PLEKHG4B: variants seen among roughly 807,000 people sequenced by gnomAD.
PLEKHG4B encodes pleckstrin homology and RhoGEF domain containing G4B.
A neutral mutation model predicts 121.3 loss-of-function variants in PLEKHG4B; 111 were observed. That is an observed-to-expected ratio of 0.92 (90% CI 0.78 to 1.07). The LOEUF is 1.07. Among genes scored for constraint, PLEKHG4B ranks in the 50% least tolerant of loss-of-function variants. PLEKHG4B has a pLI of 0.00. For synonymous variants in PLEKHG4B, 738 were observed against 725.0 expected (o/e 1.02, Z -0.29); for missense variants, 1,831 against 1,757.8 (o/e 1.04, Z -0.74).
At chr5:164,719 C>T (rs1560945277) in intron 13 of PLEKHG4B, among the ~76,000 whole-genome samples, 11 of 131,076 alleles carry the variant, frequency 8.4e-5, no homozygotes, top group Non-Finnish European at 1.7e-5. Context: ...CGGGGCGGAG[C>T]TCACACTAAT....
intron 11 of PLEKHG4B, among the ~76,000 whole-genome samples, chr5:158,315 C>A (rs58539762): frequency 1.0e-5 from 1 of 96,206 alleles, no homozygotes; most frequent in African/African-American, 6.2e-5. Context: ...TCCATCTCCT[C>A]TCCTCCCTCT....
At chr5:172,829 A>C in intron 16 of PLEKHG4B, 68 bp from the exon 17 acceptor site, 1 of 1,551,268 alleles carries the variant, frequency 6.4e-7, no homozygotes, top group Non-Finnish European at 8.9e-7. Flanking sequence ...TTAGACGGAG[A>C]CAGTGACCTG....
chr5:181,584 C>G lies in PLEKHG4B; in HGVS notation c.4473C>G (p.Asp1491Glu). 6.2e-7 allele frequency: 1 copy of G among 1,614,122 alleles called. No homozygotes were observed. ...NQPFMDVKPR[D>E]RTPDCAVISD... ...CATTCATGGATGTCAAGCCCAGAGA[C>G]CGGACCCCTGACTGTGCAGTGATAA... Residue 1491 changes from aspartate to glutamate, a missense_variant, in exon 19 of 20, where the codon GAC (aspartate) becomes GAG (glutamate). By Grantham distance (45) the Asp-to-Glu change is conservative. Coordinates refer to ENST00000637938, the MANE Select transcript of PLEKHG4B (RefSeq NM_052909.5).
intron 1 of PLEKHG4B, among the ~76,000 whole-genome samples, chr5:105,006 C>A (rs985418071): frequency 8.6e-5 from 13 of 151,598 alleles, no homozygotes; most frequent in African/African-American, 2.9e-4. Context: ...TGGGTGAGGG[C>A]TGTTCTGGTT....
Position 189,819 on chromosome 5 carries a change from C to T in PLEKHG4B, c.*7496C>T, listed in dbSNP as rs577041707. Reference sequence around the variant, plus strand: ...GCAGGGTGTTGGGCCACACAGAGCCCGAGTAGGTAAAGGAAGGTTCTGGAA... The same window carrying T: ...GCAGGGTGTTGGGCCACACAGAGCCTGAGTAGGTAAAGGAAGGTTCTGGAA... On this transcript the variant is annotated 3_prime_UTR_variant, in exon 20 of 20. Coordinates refer to ENST00000637938, the MANE Select transcript of PLEKHG4B (RefSeq NM_052909.5). 6.6e-6 allele frequency: 1 copy of T among 152,144 alleles called. No individual in the cohort carries two copies. The highest frequency in any genetic ancestry group is 6.5e-5 in the Admixed American group (1 of 15,294). 9.4% of individuals were successfully genotyped at this position (152,144 alleles called of 1,614,324 possible). A position where few individuals can be genotyped will look rare whatever the true frequency, so the allele number is the denominator to read the frequency against.
chr5:154,683 C>T (rs1402977929), intron 7 of PLEKHG4B, among the ~76,000 whole-genome samples, 192 bp from the exon 8 acceptor site: 2 of 145,810 alleles, frequency 1.4e-5, no homozygotes, highest in Non-Finnish European at 3.0e-5. Flanking sequence ...TGTCTTAGCT[C>T]CCTTCTTTCC....
At chr5:135,187 C>CAAAAAAAAAAAAAAAAAAAAAAA (rs35601775) in intron 2 of PLEKHG4B, among the ~76,000 whole-genome samples, 6 of 48,774 alleles carry the variant, frequency 1.2e-4, no homozygotes, top group African/African-American at 3.8e-4. Flanking sequence ...GACTCCAGCT[C>CAAAAAAAAAAAAAAAAAAAAAAA]AAAAAAAAAA....
At chr5:134,059 AT>A (rs1734862586) in intron 2 of PLEKHG4B, among the ~76,000 whole-genome samples, 1 of 126,000 alleles carries the variant, frequency 7.9e-6, no homozygotes, top group African/African-American at 2.9e-5. Context: ...ATATGATAGA[AT>A]ATATATATAT....
intron 2 of PLEKHG4B, among the ~76,000 whole-genome samples, chr5:135,682 A>AAAAAAAAAAAAAAAT (rs1553985215): frequency 5.1e-5 from 1 of 19,610 alleles, no homozygotes; most frequent in Non-Finnish European, 1.0e-4. Flanking sequence ...AAAAAAAAAA[A>AAAAAAAAAAAAAAAT]ATATATATAT....
chr5:96,625 G>A (rs1733634116), intron 1 of PLEKHG4B, among the ~76,000 whole-genome samples: 1 of 152,172 alleles, frequency 6.6e-6, no homozygotes, highest in Non-Finnish European at 1.5e-5. Flanking sequence ...CAAGCATTTA[G>A]TCAGTCTGTA....
Position 127,340 on chromosome 5 carries a change from T to TTATTA in PLEKHG4B, c.244-12142_244-12141insATTAT, listed in dbSNP as rs1686746332. On this transcript the variant is annotated intron_variant, in intron 2 of 19. Coordinates refer to ENST00000637938, the MANE Select transcript of PLEKHG4B (RefSeq NM_052909.5). The stretch of plus-strand genomic sequence containing the variant: ...TCATTGTTTCTGCTTATTGTTGGTT[T>TTATTA]TTATTATTATTATTATTATTATTAT... 1.7e-3 allele frequency among the ~76,000 whole-genome samples: 231 copies of TTATTA among 135,562 alleles called. 1 individual carries two copies. Among genetic ancestry groups the TTATTA allele is most frequent in the African/African-American group, 5.7e-3 (208 of 36,422 alleles). 88.9% of individuals were successfully genotyped at this position (135,562 alleles called of 152,430 possible). A position where few individuals can be genotyped will look rare whatever the true frequency, so the allele number is the denominator to read the frequency against.
chr5:109,350 T>C (rs1206898489), intron 1 of PLEKHG4B, among the ~76,000 whole-genome samples: 1 of 130,102 alleles, frequency 7.7e-6, no homozygotes, highest in African/African-American at 3.1e-5. Flanking sequence ...TGAGCCTAGA[T>C]CACACCACTG....
intron 1 of PLEKHG4B, among the ~76,000 whole-genome samples, chr5:104,409 T>G (rs1293234901): frequency 6.6e-6 from 1 of 152,214 alleles, no homozygotes; most frequent in Non-Finnish European, 1.5e-5. Context: ...TAACATGCAG[T>G]ATCCACCGTA....
In PLEKHG4B at chr5:140,239, A is replaced by G; in HGVS notation, c.1000A>G (p.Ser334Gly). The G allele has an allele frequency of 2.8e-6, 4 of 1,434,450 alleles. No homozygotes were observed. The South Asian group carries it at 5.9e-5, about 21-fold the overall frequency. The allele number at this position is 1,434,450 out of a possible 1,614,324, so 88.9% of individuals were successfully genotyped here. ...CTTCCACACAGACCTGGGCATCCCG[A>G]GCAGCAGGAGGCGGCCGCCGGGGGA... ...LTFHTDLGIP[S>G]SRRRPPGDPT... is the part of the protein sequence containing the mutation. The change falls in exon 3 of 20, where the codon AGC becomes GGC. Residue 334 changes from serine to glycine, a missense_variant. Ser to Gly is a moderately conservative substitution (Grantham distance 56). Coordinates refer to ENST00000637938, the MANE Select transcript of PLEKHG4B (RefSeq NM_052909.5).
chr5:169,457 G>C lies in PLEKHG4B; in HGVS notation c.3594G>C (p.Gln1198His). The change falls in exon 14 of 20, where the codon CAG (glutamine) becomes CAC (histidine). Residue 1198 changes from glutamine to histidine, a missense_variant. Gln to His is a conservative substitution (Grantham distance 24, BLOSUM62 0). Coordinates refer to ENST00000637938, the MANE Select transcript of PLEKHG4B (RefSeq NM_052909.5). ...AAATGGAAAGAATGGACTTGCCCCA[G>C]GGCCTTCGAGGGAAGCACCACGTTA... ...FPEMERMDLP[Q>H]GLRGKHHVIF... 1.2e-6 allele frequency: 2 copies of C among 1,614,244 alleles called. No individual in the cohort carries two copies. Among genetic ancestry groups the C allele is most frequent in the Non-Finnish European group, 8.5e-7 (1 of 1,180,052 alleles).
rs72720482 is a variant in PLEKHG4B, at chr5:185,062, C to T, written c.*2739C>T. The T allele has an allele frequency of 0.087, 13,262 of 152,070 alleles. 840 individuals are homozygous for T. The highest frequency in any genetic ancestry group is 0.12 in the Non-Finnish European group (8,139 of 68,008). 9.4% of individuals were successfully genotyped at this position (152,070 alleles called of 1,614,324 possible). A position where few individuals can be genotyped will look rare whatever the true frequency, so the allele number is the denominator to read the frequency against. On this transcript the variant is annotated 3_prime_UTR_variant, in exon 20 of 20. Coordinates refer to ENST00000637938, the MANE Select transcript of PLEKHG4B (RefSeq NM_052909.5). ...GATGTACTGATAAACCCTTGAAACA[C>T]CCACTAACAAAGAATTACAGCTAAT...
At chr5:158,965 A>C (rs1297905895) in intron 11 of PLEKHG4B, among the ~76,000 whole-genome samples, 1 of 151,668 alleles carries the variant, frequency 6.6e-6, no homozygotes, top group South Asian at 2.1e-4. Context: ...AAGCATCTCT[A>C]CTCCACCTTC....
chr5:151,463 G>A, intron 6 of PLEKHG4B, 50 bp from the exon 7 acceptor site: 1 of 1,298,588 alleles, frequency 7.7e-7, no homozygotes, highest in Non-Finnish European at 1.1e-6. Context: ...TATTAATGAA[G>A]TTAAAAATTA....
chr5:130,301 T>G (rs1339788356), intron 2 of PLEKHG4B, among the ~76,000 whole-genome samples: 1 of 152,116 alleles, frequency 6.6e-6, no homozygotes, highest in South Asian at 2.1e-4. Flanking sequence ...AATAGAAAAA[T>G]TGGCAGACTT....
Sources: allele counts gnomAD v4.1 joint callset (sites outside exome capture counted in the v4.1 genomes callset), GRCh38; gene constraint gnomAD v4.1.1; transcripts MANE v1.5; gene names NCBI Gene and HGNC (gene_info 2026-07-23, HGNC 2026-07-21).